PCDHGB7: variants seen among roughly 807,000 people sequenced by gnomAD.
The protein encoded by PCDHGB7 is protocadherin gamma-B7.
In PCDHGB7, 37 loss-of-function variants were observed where a neutral mutation model predicts 61.4. The observed-to-expected ratio is 0.60, with a 90% CI of 0.46 to 0.79. The LOEUF is 0.79. PCDHGB7 is among the 30% of genes least tolerant of loss of function. PCDHGB7 has a pLI of 0.00. For missense variants in PCDHGB7, 1,166 were observed against 1,202.5 expected (o/e 0.97, Z 0.45); for synonymous variants, 464 against 503.5 (o/e 0.92, Z 1.05).
chr5:141,460,537 C>T (rs2098991642), intron 1 of PCDHGB7, among the ~76,000 whole-genome samples: 1 of 152,062 alleles, frequency 6.6e-6, no homozygotes, highest in African/African-American at 2.4e-5. Context: ...ATAATCTTAG[C>T]ACCTTAATCA....
chr5:141,420,934 C>T, intron 1 of PCDHGB7: 1 of 377,936 alleles, frequency 2.6e-6, no homozygotes, highest in South Asian at 5.3e-5. Context: ...TGAGCGTAAT[C>T]ATTTCTTCTG....
chr5:141,467,923 T>C lies in PCDHGB7; in HGVS notation c.2416-26884T>C, dbSNP rs190816380. Among the ~76,000 whole-genome samples the C allele has an allele frequency of 3.9e-3, 588 of 151,590 alleles. 5 individuals carry two copies. Among genetic ancestry groups the C allele is most frequent in the Admixed American group, 0.011 (168 of 15,214 alleles). ...ATCCGCCCACCTCAGCCTCCCAAAA[T>C]GCTAGGATTACAAGCATGAGCCACC... On this transcript the variant is annotated intron_variant, in intron 1 of 3. Coordinates refer to ENST00000398594, the MANE Select transcript of PCDHGB7 (RefSeq NM_018927.4).
At position 141,418,958 on chromosome 5, in the gene PCDHGB7, G is replaced by A; in HGVS notation, c.1099G>A (p.Ala367Thr). 7 of 1,614,000 alleles carry A rather than the reference G, an allele frequency of 4.3e-6. No individual in the cohort carries two copies. Among genetic ancestry groups the A allele is most frequent in the Non-Finnish European group, 5.9e-6 (7 of 1,179,902 alleles). Residue 367 changes from alanine to threonine, a missense_variant, in exon 1 of 4, where the codon GCC becomes ACC. Physicochemically the swap from Ala to Thr is moderately conservative, Grantham distance 58 (BLOSUM62 0). Coordinates refer to ENST00000398594, the MANE Select transcript of PCDHGB7 (RefSeq NM_018927.4). ...GGATTCCCCTCCAGGAGTGGTTGTT[G>A]CCCTCTTCAAAACACGGGACCAAGA... ...MEDSPPGVVVALFKTRDQDSG... is the reference protein window; with the variant it reads ...MEDSPPGVVVTLFKTRDQDSG...
chr5:141,427,530 T>C (rs1302316196), intron 1 of PCDHGB7: 3 of 619,732 alleles, frequency 4.8e-6, no homozygotes, highest in Non-Finnish European at 9.0e-6. Context: ...GATCCCGGAG[T>C]ACAACGTCAC....
chr5:141,492,285 A>T (rs2099739112), intron 1 of PCDHGB7, among the ~76,000 whole-genome samples: 1 of 152,132 alleles, frequency 6.6e-6, no homozygotes, highest in African/African-American at 2.4e-5. Flanking sequence ...CGCCCCGCCA[A>T]CACGTGCGCG....
intron 1 of PCDHGB7, chr5:141,423,413 C>T (rs757696505): frequency 2.5e-6 from 4 of 1,614,022 alleles, no homozygotes; most frequent in South Asian, 2.2e-5. Flanking sequence ...CTGCAGGCTT[C>T]TGAAGGCGGG....
At chr5:141,508,841 C>G (rs969875150) in intron 3 of PCDHGB7, among the ~76,000 whole-genome samples, 1 of 152,140 alleles carries the variant, frequency 6.6e-6, no homozygotes, top group Admixed American at 6.5e-5. Flanking sequence ...TCCCCTACCC[C>G]TTCCATTCCC....
Position 141,432,949 on chromosome 5 carries a change from C to T in PCDHGB7, c.2415+12675C>T. 1.2e-6 allele frequency: 2 copies of T among 1,614,184 alleles called. No homozygotes were observed. Among genetic ancestry groups the T allele is most frequent in the Non-Finnish European group, 1.7e-6 (2 of 1,180,040 alleles). On this transcript the variant is annotated intron_variant, in intron 1 of 3. Coordinates refer to ENST00000398594, the MANE Select transcript of PCDHGB7 (RefSeq NM_018927.4). This position sits in a 1 kb window ranked among gnomAD's most constrained non-coding sequence, Gnocchi z 6.0. Reference sequence around the variant, plus strand: ...CACGCCTGCTGCAGGCTTCAGGAGGCGGCTTGACAGGAGCGCCGGCGTCGC... The same window carrying T: ...CACGCCTGCTGCAGGCTTCAGGAGGTGGCTTGACAGGAGCGCCGGCGTCGC...
chr5:141,451,597 C>A (rs2098719892), intron 1 of PCDHGB7, among the ~76,000 whole-genome samples: 1 of 152,076 alleles, frequency 6.6e-6, no homozygotes, highest in Admixed American at 6.6e-5. Context: ...AAGTGACATA[C>A]AAGGCTAGGC....
chr5:141,487,591 C>T lies in PCDHGB7; in HGVS notation c.2416-7216C>T. 8 of 1,614,176 alleles carry T rather than the reference C, an allele frequency of 5.0e-6. No homozygotes were observed. The highest frequency in any genetic ancestry group is 6.8e-6 in the Non-Finnish European group (8 of 1,180,036). On this transcript the variant is annotated intron_variant, in intron 1 of 3. Coordinates refer to ENST00000398594, the MANE Select transcript of PCDHGB7 (RefSeq NM_018927.4). The surrounding 1 kb of genome is among the most constrained non-coding windows in gnomAD (Gnocchi z 5.0). ...AGCCTGTTCGCCCAAGCTGCCCACC[C>T]TCTGATCTTCTCTATGGGCTAGAGG...
intron 1 of PCDHGB7, chr5:141,430,634 C>G: frequency 1.1e-6 from 1 of 882,730 alleles, no homozygotes; most frequent in Non-Finnish European, 1.7e-6. Flanking sequence ...TGAACCATCC[C>G]TGGGAGTATG....
At chr5:141,496,617 A>G (rs2099769939) in intron 2 of PCDHGB7, among the ~76,000 whole-genome samples, 2 of 152,236 alleles carry the variant, frequency 1.3e-5, no homozygotes, top group Admixed American at 1.3e-4. Flanking sequence ...AAAAAGCAGC[A>G]GATCAAAAGG....
chr5:141,482,016 C>T (rs2099550411), intron 1 of PCDHGB7, among the ~76,000 whole-genome samples: 1 of 148,596 alleles, frequency 6.7e-6, no homozygotes, highest in African/African-American at 2.5e-5. Context: ...TCTCAGGAAG[C>T]AGAGGTTGCA....
intron 1 of PCDHGB7, chr5:141,423,426 GGCAGGTA>G: frequency 1.9e-6 from 3 of 1,614,028 alleles, no homozygotes; most frequent in Non-Finnish European, 2.5e-6. Flanking sequence ...AAGGCGGGTT[GGCAGGTA>G]TGCCCACGTC....
chr5:141,468,853 G>A (rs893773356), intron 1 of PCDHGB7, among the ~76,000 whole-genome samples: 7 of 151,000 alleles, frequency 4.6e-5, no homozygotes, highest in Admixed American at 6.6e-5. Context: ...GCAACAGAGC[G>A]AGACTCCATC....
intron 1 of PCDHGB7, among the ~76,000 whole-genome samples, chr5:141,450,304 T>C (rs759506660): frequency 1.3e-5 from 2 of 151,906 alleles, no homozygotes; most frequent in African/African-American, 2.4e-5. Flanking sequence ...TGAGCCACCA[T>C]GTGTGGCCTA....
chr5:141,422,577 T>G, intron 1 of PCDHGB7: 1 of 1,613,848 alleles, frequency 6.2e-7, no homozygotes, highest in Non-Finnish European at 8.5e-7. Context: ...ACGATAACCC[T>G]CCCGTTTTTC....
chr5:141,450,253 A>G (rs1025385837), intron 1 of PCDHGB7, among the ~76,000 whole-genome samples: 1 of 152,020 alleles, frequency 6.6e-6, no homozygotes, highest in African/African-American at 2.4e-5. Flanking sequence ...CCTGACCTCA[A>G]GTGATCTGCC....
chr5:141,421,842 A>G (rs1209505923), intron 1 of PCDHGB7: 1 of 1,613,744 alleles, frequency 6.2e-7, no homozygotes, highest in Non-Finnish European at 8.5e-7. Context: ...ACCGAGAGAA[A>G]GAGGCTGCTC....
Sources: gnomAD v4.1 joint callset for allele counts (sites outside exome capture counted in the v4.1 genomes callset) on GRCh38, gnomAD v4.1.1 for gene constraint, Gnocchi (gnomAD v3.1) non-coding constraint, MANE v1.5 for transcripts, NCBI Gene and HGNC (gene_info 2026-07-23, HGNC 2026-07-21) for gene names.